ANKRD36C: variants seen among roughly 807,000 people sequenced by gnomAD.
ANKRD36C encodes ankyrin repeat domain 36C.
ANKRD36C carries 61 observed loss-of-function variants against 276.4 expected under a neutral mutation model. That is an observed-to-expected ratio of 0.22 (90% CI 0.18 to 0.27). ANKRD36C has a LOEUF of 0.27. Among genes scored for constraint, ANKRD36C ranks in the 10% least tolerant of loss-of-function variants. ANKRD36C has a pLI of 1.00. For missense variants in ANKRD36C, 1,447 were observed against 2,032.3 expected, an observed-to-expected ratio of 0.71 and a Z score of 5.54; for synonymous variants, 483 against 680.1, an observed-to-expected ratio of 0.71 and a Z score of 4.51.
intron 3 of ANKRD36C, among the ~76,000 whole-genome samples, 179 bp from the exon 4 acceptor site, chr2:95,982,541 C>T (rs112636353): frequency 0.076 from 9,393 of 124,400 alleles, 603 homozygotes; most frequent in East Asian, 0.17. Context: ...TGGAAACAAC[C>T]TCCTCTGCCT....
intron 62 of ANKRD36C, 57 bp downstream of exon 82, chr2:95,857,252 G>C (rs1323861971): frequency 6.4e-7 from 1 of 1,563,286 alleles, no homozygotes; most frequent in African/African-American, 1.4e-5. Context: ...CAAAAGAGAT[G>C]GTATAAGTAA....
chr2:95,969,819 C>A (rs1678663644), intron 6 of ANKRD36C, among the ~76,000 whole-genome samples: 1 of 152,076 alleles, frequency 6.6e-6, no homozygotes, highest in Non-Finnish European at 1.5e-5. Flanking sequence ...ATTCACATAA[C>A]TTTTATTACA....
rs1675837608 is a variant in ANKRD36C at position 95,872,514 on chromosome 2, G to T, written c.3540+3925C>A. 3.3e-5 allele frequency among the ~76,000 whole-genome samples: 5 copies of T among 151,974 alleles called. No individual in the cohort carries two copies. The South Asian group carries it at 1.1e-3, about 32-fold the overall frequency. On this transcript the variant is annotated intron_variant, in intron 59 of 66. Transcript: ENST00000456556. ...CCAGAATCTCTGGGACACATTCAAA[G>T]CAGTGTGCAGAGGGAAATTTATAGC...
chr2:95,968,180 C>G (rs1388937400), intron 6 of ANKRD36C, among the ~76,000 whole-genome samples: 1 of 152,072 alleles, frequency 6.6e-6, no homozygotes, highest in Non-Finnish European at 1.5e-5. Context: ...TACAGAGACT[C>G]TCATGATTTG....
intron 6 of ANKRD36C, among the ~76,000 whole-genome samples, chr2:95,963,972 A>AATAAATATATATATAT (rs1678521503): frequency 4.1e-5 from 2 of 48,992 alleles, no homozygotes; most frequent in African/African-American, 8.4e-5. Flanking sequence ...TATATATATA[A>AATAAATATATATATAT]ATATATATAT....
chr2:95,868,893 T>C (rs879761711), intron 59 of ANKRD36C, among the ~76,000 whole-genome samples: 98 of 152,130 alleles, frequency 6.4e-4, no homozygotes, highest in Middle Eastern at 6.8e-3. Flanking sequence ...TGATGAATTT[T>C]AAAGGTTTTT....
intron 30 of ANKRD36C, among the ~76,000 whole-genome samples, chr2:95,924,756 G>A (rs1473055155): frequency 6.6e-6 from 1 of 151,612 alleles, no homozygotes; most frequent in African/African-American, 2.4e-5. Flanking sequence ...AGTCATCGGA[G>A]CAGTCAGAAA....
At chr2:95,866,975 G>A (rs1346304750) in intron 60 of ANKRD36C, among the ~76,000 whole-genome samples, 1 of 152,180 alleles carries the variant, frequency 6.6e-6, no homozygotes, top group African/African-American at 2.4e-5. Context: ...AAAGCTCGAG[G>A]ACTGAAATCC....
chr2:95,862,913 A>T (rs1452015258), intron 60 of ANKRD36C, among the ~76,000 whole-genome samples: 1 of 151,836 alleles, frequency 6.6e-6, no homozygotes, highest in African/African-American at 2.4e-5. Flanking sequence ...CCCTAATCAT[A>T]CACCAAACAC....
Position 95,852,206 on chromosome 2 carries a change from A to C in ANKRD36C, c.5149-10T>G, listed in dbSNP as rs1171763989. ...CCTGTATTTCTTGAAACTAAAACAA[A>C]GAATTTTAAAAAATTACATTTGGAA... On this transcript the variant is annotated splice_polypyrimidine_tract_variant and intron_variant, in intron 64 of 66. Coordinates refer to ENST00000456556, the Ensembl canonical transcript of ANKRD36C. 6.3e-7 allele frequency: 1 copy of C among 1,598,514 alleles called. No homozygotes were observed. Among genetic ancestry groups the C allele is most frequent in the African/African-American group, 1.3e-5 (1 of 74,562 alleles).
At chr2:95,854,708 A>T (rs1389437673) in intron 63 of ANKRD36C, among the ~76,000 whole-genome samples, 1 of 152,214 alleles carries the variant, frequency 6.6e-6, no homozygotes, top group African/African-American at 2.4e-5. Context: ...GAATAGAATG[A>T]TCATATCTAT....
intron 1 of ANKRD36C, among the ~76,000 whole-genome samples, chr2:95,988,446 T>A (rs367887576): frequency 6.6e-6 from 1 of 151,884 alleles, no homozygotes; most frequent in African/African-American, 2.4e-5. Flanking sequence ...TCAGTCCTAA[T>A]GCTTCCATTT....
intron 32 of ANKRD36C, among the ~76,000 whole-genome samples, chr2:95,923,115 A>T (rs1019791448): frequency 4.6e-5 from 7 of 151,690 alleles, no homozygotes; most frequent in African/African-American, 1.4e-4. Context: ...TATTATGATC[A>T]CTTTTCCATC....
chr2:95,969,818 A>G (rs1678663592), intron 6 of ANKRD36C, among the ~76,000 whole-genome samples: 1 of 152,052 alleles, frequency 6.6e-6, no homozygotes, highest in African/African-American at 2.4e-5. Flanking sequence ...CATTCACATA[A>G]CTTTTATTAC....
At chr2:95,893,793 G>C in intron 44 of ANKRD36C, 69 bp from the exon 63 acceptor site, 1 of 1,598,824 alleles carries the variant, frequency 6.3e-7, no homozygotes, top group Non-Finnish European at 8.5e-7. Flanking sequence ...GATTCATGCA[G>C]AGTTAGCATC....
At chr2:95,952,143 T>A (rs1223565422) in intron 14 of ANKRD36C, among the ~76,000 whole-genome samples, 4 of 151,416 alleles carry the variant, frequency 2.6e-5, no homozygotes, top group African/African-American at 9.8e-5. Flanking sequence ...TAAATCATTT[T>A]TAAACAAAGG....
rs1230040126 is a variant in ANKRD36C, at chr2:95,919,409, C to A, written c.2246-1367G>T. Among the ~76,000 whole-genome samples the A allele has an allele frequency of 2.3e-5, 3 of 133,330 alleles. No individual in the cohort carries two copies. The Middle Eastern group carries it at 0.01, about 457-fold the overall frequency. 87.5% of individuals were successfully genotyped at this position (133,330 alleles called of 152,430 possible). A position where few individuals can be genotyped will look rare whatever the true frequency, so the allele number is the denominator to read the frequency against. The stretch of plus-strand genomic sequence containing the variant: ...ATCTGTACTTCCTCTCTTTCTCCTT[C>A]CACCCTTAGTGAAACCATGCTGTAG... On this transcript the variant is annotated intron_variant, in intron 34 of 66. Coordinates refer to ENST00000456556, the Ensembl canonical transcript of ANKRD36C.
chr2:95,917,893 A>G, exon 36 of ANKRD36C: 1 of 1,607,212 alleles, frequency 6.2e-7, no homozygotes. Context: ...TTCTGTGGCT[A>G]TAATCGAAAC....
At chr2:95,911,124 G>C (rs1676909034) in intron 42 of ANKRD36C, among the ~76,000 whole-genome samples, 1 of 151,472 alleles carries the variant, frequency 6.6e-6, no homozygotes, top group Non-Finnish European at 1.5e-5. Context: ...CTGATACCTA[G>C]TAGATAATAA....
Sources: allele counts gnomAD v4.1 joint callset (sites outside exome capture counted in the v4.1 genomes callset), GRCh38; gene constraint gnomAD v4.1.1; transcripts MANE v1.5; gene names NCBI Gene and HGNC (gene_info 2026-07-23, HGNC 2026-07-21).